The following IGF2R variants were observed in gnomAD, a reference collection of about 807,000 sequenced individuals.
IGF2R encodes insulin like growth factor 2 receptor, also known as cation-independent mannose-6-phosphate receptor.
A neutral mutation model predicts 270.6 loss-of-function variants in IGF2R; 91 were observed. That is an observed-to-expected ratio of 0.34 (90% confidence interval 0.28 to 0.40). IGF2R has a LOEUF of 0.40. IGF2R is among the 10% of genes least tolerant of loss of function. The pLI is 1.00. For missense variants in IGF2R, 2,805 were observed against 3,188.3 expected (o/e 0.88, Z 2.90); for synonymous variants, 1,316 against 1,258.9 (o/e 1.05, Z -0.96).
At chr6:160,081,868 A>C (rs542802577) in intron 39 of IGF2R, among the ~76,000 whole-genome samples, 1 of 152,204 alleles carries the variant, frequency 6.6e-6, no homozygotes, top group Admixed American at 6.5e-5. Flanking sequence ...CTTGAAAATC[A>C]CTGTTATCCT....
At chr6:160,089,333 G>A (rs953480488) in intron 43 of IGF2R, 80 bp downstream of exon 43, 2 of 1,300,752 alleles carry the variant, frequency 1.5e-6, no homozygotes, top group Non-Finnish European at 2.1e-6. Flanking sequence ...CTATCGGGGA[G>A]CACTGCAGGA....
Position 160,073,784 on chromosome 6 carries a change from T to A in IGF2R, c.4975T>A (p.Ser1659Thr), listed in dbSNP as rs1211777119. 6.2e-7 allele frequency: 1 copy of A among 1,614,110 alleles called. No homozygotes were observed. Among genetic ancestry groups the A allele is most frequent in the Non-Finnish European group, 8.5e-7 (1 of 1,179,980 alleles). Residue 1659 changes from serine to threonine, a missense_variant, in exon 35 of 48, where the codon TCT becomes ACT. Around this residue, in one of 2 missense-constraint regions of IGF2R, gnomAD observed 1,851 missense variants for 2,207.2 expected, o/e 0.84. Transcript: ENST00000356956. ...CGAATGTTCCGTGAGGAATGGAAGC[T>A]CTATTGTTGACTTGTCTCCCCTTAT... Reference protein sequence around the residue: ...ATECSVRNGSSIVDLSPLIHR... With the variant: ...ATECSVRNGSTIVDLSPLIHR...
chr6:160,079,980 G>T (rs1396739669), intron 38 of IGF2R, 149 bp from the exon 39 acceptor site: 4 of 1,072,662 alleles, frequency 3.7e-6, no homozygotes, highest in South Asian at 3.0e-5. Context: ...TGTTCTCTCA[G>T]TTGCCTGGTG....
At chr6:160,057,526 T>C (rs1426859699) in intron 20 of IGF2R, among the ~76,000 whole-genome samples, 1 of 152,164 alleles carries the variant, frequency 6.6e-6, no homozygotes, top group Non-Finnish European at 1.5e-5. Context: ...TTTCTGGGGC[T>C]GTGGCCACCG....
At chr6:160,021,109 C>T (rs1286027279) in intron 4 of IGF2R, among the ~76,000 whole-genome samples, 3 of 152,004 alleles carry the variant, frequency 2.0e-5, no homozygotes, top group Admixed American at 2.0e-4. Flanking sequence ...ACAAGAAAAA[C>T]CACAATCCCT....
chr6:160,036,224 A>G (rs1413400907), intron 10 of IGF2R, among the ~76,000 whole-genome samples: 1 of 152,106 alleles, frequency 6.6e-6, no homozygotes, highest in African/African-American at 2.4e-5. Flanking sequence ...TGGACCTCGC[A>G]TCTGGTCTGA....
chr6:159,989,555 G>C (rs549716897), intron 1 of IGF2R, among the ~76,000 whole-genome samples: 3 of 152,220 alleles, frequency 2.0e-5, no homozygotes, highest in Non-Finnish European at 2.9e-5. Context: ...CCTCCTTTTA[G>C]CAATACTGTT....
chr6:160,045,864 G>T lies in IGF2R; in HGVS notation c.1885G>T (p.Val629Phe). 2 of 1,578,290 alleles carry T rather than the reference G, an allele frequency of 1.3e-6. No individual in the cohort carries two copies. Among genetic ancestry groups the T allele is most frequent in the Middle Eastern group, 1.7e-4 (1 of 5,874 alleles). Residue 629 changes from valine to phenylalanine, a missense_variant, in exon 14 of 48, where the codon GTC becomes TTC. Around this residue, in one of 2 missense-constraint regions of IGF2R, gnomAD observed 954 missense variants for 981.1 expected, o/e 0.97. Coordinates refer to ENST00000356956, the MANE Select transcript of IGF2R (RefSeq NM_000876.4). ...TAAGACAGAAGGGGAGAACTGCACG[G>T]TCTTTGACTCCCAGGCAGGTCTGTG... Reference protein sequence around the residue: ...LSKTEGENCTVFDSQAGFSFD... With the variant: ...LSKTEGENCTFFDSQAGFSFD...
chr6:160,096,735 A>G (rs1779368983), intron 45 of IGF2R, 110 bp downstream of exon 45: 2 of 901,872 alleles, frequency 2.2e-6, no homozygotes, highest in African/African-American at 1.7e-5. Context: ...CAGAACATGC[A>G]CCAAAAAATA....
At chr6:160,018,324 A>T (rs1008072334) in intron 4 of IGF2R, among the ~76,000 whole-genome samples, 1 of 152,204 alleles carries the variant, frequency 6.6e-6, no homozygotes, top group African/African-American at 2.4e-5. Context: ...TTAAATATGT[A>T]TGCATGCAAC....
intron 1 of IGF2R, among the ~76,000 whole-genome samples, chr6:159,987,894 C>T (rs1160343236): frequency 6.6e-6 from 1 of 152,104 alleles, no homozygotes; most frequent in East Asian, 1.9e-4. Flanking sequence ...GGTTGCCAGG[C>T]CTGGAGGAGG....
At chr6:160,068,712 G>C (rs2065396) in intron 30 of IGF2R, among the ~76,000 whole-genome samples, 48,185 of 151,032 alleles carry the variant, frequency 0.32, 7,554 homozygotes, top group Middle Eastern at 0.45. Context: ...TCGTGGGATG[G>C]TGTTTGCAGT....
chr6:160,072,728 T>G, intron 32 of IGF2R, 37 bp from the exon 33 acceptor site: 1 of 1,613,824 alleles, frequency 6.2e-7, no homozygotes, highest in Non-Finnish European at 8.5e-7. Flanking sequence ...CTCAGCTCCC[T>G]GGAGTCACTG....
chr6:160,078,179 C>T (rs17847652), intron 36 of IGF2R, 22 bp from the exon 37 acceptor site: 1 of 1,612,740 alleles, frequency 6.2e-7, no homozygotes, highest in Non-Finnish European at 8.5e-7. Context: ...GTTTTTAAGA[C>T]CCGTGCTCTT....
In IGF2R at chr6:160,047,259, G is replaced by A; in HGVS notation, c.2152G>A (p.Glu718Lys). 6.2e-7 allele frequency: 1 copy of A among 1,613,196 alleles called. No individual in the cohort carries two copies. Among genetic ancestry groups the A allele is most frequent in the Non-Finnish European group, 8.5e-7 (1 of 1,179,752 alleles). ...CAGAGGCGGCACACCCTATAACAAT[G>A]AAAGACACACACCGAGAGCTACGCT... The part of the protein sequence containing the change: ...NYRGGTPYNN[E>K]RHTPRATLIT... The change falls in exon 16 of 48, where the codon GAA becomes AAA. Residue 718 changes from glutamate to lysine, a missense_variant. Glu to Lys is a moderately conservative substitution (Grantham distance 56, BLOSUM62 1). Transcript: ENST00000356956.
At chr6:160,093,835 C>A in intron 44 of IGF2R, 1 of 730,834 alleles carries the variant, frequency 1.4e-6, no homozygotes, top group South Asian at 1.4e-5. Context: ...GCATGATGGT[C>A]CAAATAAATA....
intron 4 of IGF2R, among the ~76,000 whole-genome samples, chr6:160,021,627 A>T (rs1421441864): frequency 6.6e-6 from 1 of 151,956 alleles, no homozygotes; most frequent in Non-Finnish European, 1.5e-5. Flanking sequence ...TTTAGGAAAA[A>T]AAAAATAAAC....
At position 159,984,157 on chromosome 6, in the gene IGF2R, T is replaced by C. The variant is rs11962828; in HGVS notation, c.150-7027T>C. On this transcript the variant is annotated intron_variant, in intron 1 of 47. Transcript: ENST00000356956. ...TTCTGAGAATTCTGCCTTTACGATA[T>C]AAGTAGTATCCATGACATTAAAAAC... 6.8e-3 allele frequency among the ~76,000 whole-genome samples: 1,040 copies of C among 152,322 alleles called. 9 individuals carry two copies. Among genetic ancestry groups the C allele is most frequent in the African/African-American group, 0.023 (966 of 41,552 alleles).
At chr6:160,059,369 G>A (rs1158076912) in intron 22 of IGF2R, among the ~76,000 whole-genome samples, 2 of 152,190 alleles carry the variant, frequency 1.3e-5, no homozygotes, top group Non-Finnish European at 2.9e-5. Context: ...CCACATTCAC[G>A]TAACTGTCAT....
Sources: gnomAD v4.1 joint callset for allele counts (sites outside exome capture counted in the v4.1 genomes callset) on GRCh38, gnomAD v4.1.1 for gene constraint, gnomAD v4.1.1 regional missense constraint, MANE v1.5 for transcripts, NCBI Gene and HGNC (gene_info 2026-07-23, HGNC 2026-07-21) for gene names.